The following DNAJC10 variants were observed in gnomAD, a reference collection of about 807,000 sequenced individuals.
DNAJC10 encodes DnaJ heat shock protein family (Hsp40) member C10.
Under a neutral mutation model 115.0 loss-of-function variants are expected in DNAJC10, and 101 were observed. The ratio of observed to expected loss-of-function variants is 0.88; its 90% CI spans 0.75 to 1.04. DNAJC10 has a LOEUF of 1.04. Ranked by LOEUF, DNAJC10 falls within the 50% of genes least tolerant of loss-of-function variation. The pLI is 0.00. For missense variants in DNAJC10, 981 were observed against 928.8 expected (o/e 1.06, Z -0.73); for synonymous variants, 307 against 301.5 (o/e 1.02, Z -0.19).
At chr2:182,773,852 C>T (rs570043640) in intron 22 of DNAJC10, among the ~76,000 whole-genome samples, 1 of 152,346 alleles carries the variant, frequency 6.6e-6, no homozygotes, top group South Asian at 2.1e-4. Context: ...AAGTCATTCT[C>T]CGTCCAGCTT....
intron 21 of DNAJC10, among the ~76,000 whole-genome samples, chr2:182,759,839 C>T (rs868316314): frequency 9.2e-5 from 14 of 152,168 alleles, no homozygotes; most frequent in African/African-American, 2.9e-4. Context: ...ACAGTGGGCC[C>T]TCTGTATGCA....
At chr2:182,746,020 G>A (rs1392716815) in intron 14 of DNAJC10, among the ~76,000 whole-genome samples, 1 of 152,100 alleles carries the variant, frequency 6.6e-6, no homozygotes, top group Non-Finnish European at 1.5e-5. Flanking sequence ...AGTTTACTGA[G>A]AATGATGATT....
chr2:182,722,626 C>T (rs1453836624), intron 5 of DNAJC10, among the ~76,000 whole-genome samples: 1 of 152,078 alleles, frequency 6.6e-6, no homozygotes, highest in Non-Finnish European at 1.5e-5. Flanking sequence ...TGCTCTATCA[C>T]AATTGTATTT....
At chr2:182,771,625 A>G (rs1180118846) in intron 22 of DNAJC10, among the ~76,000 whole-genome samples, 4 of 152,066 alleles carry the variant, frequency 2.6e-5, no homozygotes, top group Non-Finnish European at 5.9e-5. Flanking sequence ...AGAGGTGTTT[A>G]TAGTATTCTC....
At chr2:182,758,188 A>G (rs1387760196) in intron 19 of DNAJC10, among the ~76,000 whole-genome samples, 5 of 152,308 alleles carry the variant, frequency 3.3e-5, no homozygotes, top group Non-Finnish European at 5.9e-5. Context: ...ATTACAGAGA[A>G]GTAAACTGTG....
chr2:182,740,741 T>C (rs1338285924), intron 12 of DNAJC10, among the ~76,000 whole-genome samples: 1 of 152,164 alleles, frequency 6.6e-6, no homozygotes, highest in Non-Finnish European at 1.5e-5. Flanking sequence ...ATTCAGTTTA[T>C]GGATAGAATG....
intron 16 of DNAJC10, among the ~76,000 whole-genome samples, chr2:182,752,963 A>G (rs1018858828): frequency 3.3e-5 from 5 of 152,212 alleles, no homozygotes; most frequent in African/African-American, 1.2e-4. Flanking sequence ...GTTTAAACAA[A>G]CCAAGTGCAA....
At position 182,736,258 on chromosome 2, in the gene DNAJC10, G is replaced by C; in HGVS notation, c.859G>C (p.Val287Leu). Residue 287 changes from valine (V) to leucine (L), a missense_variant, in exon 11 of 24, where the codon GTT (valine) becomes CTT (leucine). Transcript: ENST00000264065. ...LRLSGMLDGL[V>L]NVGWMDCATQ... ...TTTCTTTCCATTTTAGGATGGTCTT[G>C]TTAATGTAGGATGGATGGACTGTGC... The C allele has an allele frequency of 6.4e-7, 1 of 1,565,868 alleles. No individual in the cohort carries two copies. Among genetic ancestry groups the C allele is most frequent in the East Asian group, 2.4e-5 (1 of 40,960 alleles).
rs932463513 is a variant in DNAJC10, at chr2:182,757,944, C to T, written c.1943+119C>T. Reference sequence around the variant, plus strand: ...ACAAATATTTATTGGGAGCCCACTACGTAAAGATAGTTTGTTAATGAACAT... The same window carrying T: ...ACAAATATTTATTGGGAGCCCACTATGTAAAGATAGTTTGTTAATGAACAT... On this transcript the variant is annotated intron_variant, in intron 19 of 23. Transcript: ENST00000264065. The T allele has an allele frequency of 1.2e-4, 70 of 579,180 alleles. 1 individual carries two copies. The highest frequency in any genetic ancestry group is 9.7e-4 in the Middle Eastern group (2 of 2,054). The allele number at this position is 579,180 out of a possible 1,614,324, so 35.9% of individuals were successfully genotyped here.
chr2:182,717,760 T>A (rs1693032416), intron 2 of DNAJC10, among the ~76,000 whole-genome samples, 181 bp from the exon 3 acceptor site: 1 of 152,190 alleles, frequency 6.6e-6, no homozygotes, highest in Non-Finnish European at 1.5e-5. Context: ...TTCTGCTATC[T>A]TCAGTGATTT....
At chr2:182,728,421 G>A (rs1693346634) in intron 5 of DNAJC10, among the ~76,000 whole-genome samples, 155 bp from the exon 6 acceptor site, 1 of 152,092 alleles carries the variant, frequency 6.6e-6, no homozygotes, top group African/African-American at 2.4e-5. Flanking sequence ...CATTTATGTA[G>A]AAGATATAGA....
In DNAJC10 at chr2:182,779,219, A is replaced by G. The variant is rs1479562167; in HGVS notation, c.*2087A>G. The G allele has an allele frequency of 6.6e-6, 1 of 152,184 alleles. No homozygotes were observed. The highest frequency in any genetic ancestry group is 1.5e-5 in the Non-Finnish European group (1 of 68,044). The allele number at this position is 152,184 out of a possible 1,614,324, so 9.4% of individuals were successfully genotyped here. On this transcript the variant is annotated 3_prime_UTR_variant, in exon 24 of 24. Coordinates refer to ENST00000264065, the MANE Select transcript of DNAJC10 (RefSeq NM_018981.4). ...GTGACATACATCAAGGTTATCTTAT[A>G]TAGTCATAACAGTATTATTGGGTCT... is the stretch of plus-strand genomic sequence containing the variant.
intron 10 of DNAJC10, among the ~76,000 whole-genome samples, chr2:182,735,737 C>T (rs918814258): frequency 6.6e-6 from 1 of 151,992 alleles, no homozygotes; most frequent in South Asian, 2.1e-4. Flanking sequence ...ATGTACTTTT[C>T]GTACAGGATT....
At chr2:182,753,335 AAAG>A (rs1354534613) in intron 16 of DNAJC10, among the ~76,000 whole-genome samples, 1 of 152,136 alleles carries the variant, frequency 6.6e-6, no homozygotes, top group Non-Finnish European at 1.5e-5. Flanking sequence ...TAAAGGGAAA[AAAG>A]AAATGGGAAG....
chr2:182,747,880 T>C (rs1386089730), intron 14 of DNAJC10, among the ~76,000 whole-genome samples: 1 of 151,536 alleles, frequency 6.6e-6, no homozygotes, highest in Non-Finnish European at 1.5e-5. Context: ...CATAGATAGC[T>C]CTTATTATTT....
chr2:182,791,361 CAA>C lies in DNAJC10; in HGVS notation c.*14230_*14231del, dbSNP rs1194567559. The C allele has an allele frequency of 6.6e-6, 1 of 152,100 alleles. No individual in the cohort carries two copies. The highest frequency in any genetic ancestry group is 2.4e-5 in the African/African-American group (1 of 41,416). The allele number at this position is 152,100 out of a possible 1,614,324, so 9.4% of individuals were successfully genotyped here. ...ATGTATTCAGGTGGCCATTTATACA[CAA>C]TATTTTTGAATACTATTCTGGCCAA... On this transcript the variant is annotated 3_prime_UTR_variant, in exon 24 of 24. Transcript: ENST00000264065.
intron 10 of DNAJC10, among the ~76,000 whole-genome samples, chr2:182,734,997 T>A (rs1693549132): frequency 6.6e-6 from 1 of 151,606 alleles, no homozygotes; most frequent in Non-Finnish European, 1.5e-5. Context: ...CTAGTTGCTA[T>A]TTTTTATCTT....
At chr2:182,755,250 T>A (rs977956903) in intron 17 of DNAJC10, 146 bp downstream of exon 17, 2 of 627,080 alleles carry the variant, frequency 3.2e-6, no homozygotes, top group Non-Finnish European at 5.7e-6. Context: ...ATTTTTCTAA[T>A]GTTTTACTCT....
chr2:182,719,254 T>C (rs996318604), intron 3 of DNAJC10, among the ~76,000 whole-genome samples: 1 of 141,366 alleles, frequency 7.1e-6, no homozygotes, highest in Admixed American at 7.0e-5. Flanking sequence ...TGTTTTCTTT[T>C]TTTTTTTTTT....
Sources: gnomAD v4.1 joint callset for allele counts (sites outside exome capture counted in the v4.1 genomes callset) on GRCh38, gnomAD v4.1.1 for gene constraint, MANE v1.5 for transcripts, NCBI Gene and HGNC (gene_info 2026-07-23, HGNC 2026-07-21) for gene names.